Variants in ADGRG7 observed in about 807,000 individuals in gnomAD.
ADGRG7 encodes the protein G-protein coupled receptor 128.
In ADGRG7, 82 loss-of-function variants were observed where a neutral mutation model predicts 88.6. The observed-to-expected ratio is 0.93, with a 90% confidence interval of 0.77 to 1.11. The LOEUF (loss-of-function observed/expected upper bound fraction) is 1.11, where lower values mean the gene tolerates loss of function less well. ADGRG7 is among the 50% of genes most tolerant of loss of function. The pLI is 0.00. For synonymous variants in ADGRG7, 381 were observed against 345.2 expected (o/e 1.10, Z -1.15); for missense variants, 945 against 953.4 (o/e 0.99, Z 0.12).
intron 13 of ADGRG7, among the ~76,000 whole-genome samples, chr3:100,658,867 T>G (rs560231729): frequency 6.6e-6 from 1 of 152,316 alleles, no homozygotes; most frequent in African/African-American, 2.4e-5. Context: ...GGGATTTTTG[T>G]TTTGTCCGCT....
chr3:100,618,564 C>T (rs1326056412), intron 1 of ADGRG7, among the ~76,000 whole-genome samples: 3 of 152,030 alleles, frequency 2.0e-5, no homozygotes, highest in African/African-American at 7.3e-5. Flanking sequence ...CTTTTCTGTT[C>T]CATTGTTCTA....
At chr3:100,633,617 C>T (rs527673997) in intron 4 of ADGRG7, among the ~76,000 whole-genome samples, 2 of 152,076 alleles carry the variant, frequency 1.3e-5, no homozygotes, top group Non-Finnish European at 2.9e-5. Flanking sequence ...CTCTGCCTCC[C>T]AGGTTGAAGC....
At chr3:100,687,495 A>T (rs997624609) in intron 15 of ADGRG7, among the ~76,000 whole-genome samples, 1 of 152,174 alleles carries the variant, frequency 6.6e-6, no homozygotes, top group African/African-American at 2.4e-5. Flanking sequence ...CCCATTCAGT[A>T]TGATATTGGC....
At chr3:100,693,909 C>T (rs565365343) in intron 15 of ADGRG7, among the ~76,000 whole-genome samples, 46 of 152,286 alleles carry the variant, frequency 3.0e-4, no homozygotes, top group African/African-American at 9.2e-4. Context: ...ATACACTTTG[C>T]AGTCACTTTC....
At chr3:100,673,341 A>G (rs978367304) in intron 15 of ADGRG7, among the ~76,000 whole-genome samples, 2 of 151,844 alleles carry the variant, frequency 1.3e-5, no homozygotes, top group Admixed American at 6.6e-5. Flanking sequence ...TCAATTTTCT[A>G]GTTTATTTGC....
intron 3 of ADGRG7, among the ~76,000 whole-genome samples, chr3:100,632,810 G>A (rs905694141): frequency 6.6e-6 from 1 of 152,066 alleles, no homozygotes; most frequent in Admixed American, 6.5e-5. Flanking sequence ...GATAATCCTA[G>A]GAAATAAACC....
At chr3:100,675,099 C>G in intron 15 of ADGRG7, among the ~76,000 whole-genome samples, 1 of 151,968 alleles carries the variant, frequency 6.6e-6, no homozygotes, top group East Asian at 1.9e-4. Flanking sequence ...TTTCTCTTAT[C>G]TAATTGCTCT....
intron 13 of ADGRG7, 102 bp from the exon 14 acceptor site, chr3:100,659,586 G>A: frequency 1.0e-6 from 1 of 978,662 alleles, no homozygotes; most frequent in South Asian, 1.8e-5. Flanking sequence ...TTAACTTTTA[G>A]CAGATCTTTC....
chr3:100,629,783 C>A, intron 2 of ADGRG7, 72 bp downstream of exon 2: 2 of 942,422 alleles, frequency 2.1e-6, no homozygotes, highest in Admixed American at 1.9e-5. Context: ...AGCAATAAAG[C>A]TTCTAGAAGC....
At chr3:100,618,587 G>T (rs1321411042) in intron 1 of ADGRG7, among the ~76,000 whole-genome samples, 2 of 151,976 alleles carry the variant, frequency 1.3e-5, no homozygotes, top group Admixed American at 6.6e-5. Flanking sequence ...TCTCTGTTTT[G>T]GTACCAGTAC....
chr3:100,614,919 T>A (rs1707202831), intron 1 of ADGRG7, among the ~76,000 whole-genome samples: 1 of 152,214 alleles, frequency 6.6e-6, no homozygotes, highest in Non-Finnish European at 1.5e-5. Context: ...AAAATAGGGC[T>A]AATAATTCTA....
intron 1 of ADGRG7, among the ~76,000 whole-genome samples, chr3:100,628,786 C>G (rs1707417554): frequency 6.6e-6 from 1 of 152,172 alleles, no homozygotes; most frequent in South Asian, 2.1e-4. Context: ...CTTCCTGAAC[C>G]TAGTGACACC....
chr3:100,685,966 G>T (rs2094981857), intron 15 of ADGRG7, among the ~76,000 whole-genome samples: 1 of 150,464 alleles, frequency 6.6e-6, no homozygotes, highest in South Asian at 2.1e-4. Flanking sequence ...TTCCACAATG[G>T]TTGAACTAGT....
In ADGRG7 at chr3:100,664,189, G is replaced by T. The variant is rs190077862; in HGVS notation, c.1979+4346G>T. On this transcript the variant is annotated intron_variant, in intron 14 of 15. Transcript: ENST00000273352. ...AAAAAGTATTAATTTCACCAAATCT[G>T]GAATACTGAAGTGTAAAAGTCTTAG... Among the ~76,000 whole-genome samples, 16 of 152,130 alleles carry T rather than the reference G, an allele frequency of 1.1e-4. 1 individual carries two copies. The highest frequency in any genetic ancestry group is 3.6e-4 in the African/African-American group (15 of 41,530).
At chr3:100,657,525 G>A (rs940053385) in intron 13 of ADGRG7, among the ~76,000 whole-genome samples, 6 of 152,158 alleles carry the variant, frequency 3.9e-5, no homozygotes, top group African/African-American at 1.4e-4. Context: ...TGCTATGTAG[G>A]CCATTTCAGA....
At chr3:100,653,928 T>A (rs1199234719) in intron 11 of ADGRG7, among the ~76,000 whole-genome samples, 2 of 152,120 alleles carry the variant, frequency 1.3e-5, no homozygotes, top group African/African-American at 4.8e-5. Flanking sequence ...GTCACGCGAC[T>A]ATGAAAGGTT....
intron 15 of ADGRG7, among the ~76,000 whole-genome samples, chr3:100,686,559 A>G (rs967764903): frequency 1.2e-4 from 18 of 152,230 alleles, no homozygotes; most frequent in Middle Eastern, 3.4e-3. Context: ...TGTATAAGGT[A>G]TAAGGAAGGG....
chr3:100,625,590 A>G (rs1192694003), intron 1 of ADGRG7, among the ~76,000 whole-genome samples: 1 of 150,764 alleles, frequency 6.6e-6, no homozygotes, highest in Non-Finnish European at 1.5e-5. Context: ...GAGAGGGGGC[A>G]TCCTTGCCTT....
intron 6 of ADGRG7, among the ~76,000 whole-genome samples, chr3:100,639,040 G>A (rs867856039): frequency 1.4e-5 from 1 of 73,280 alleles, no homozygotes; most frequent in African/African-American, 4.0e-5. Flanking sequence ...GTGTGTGTGT[G>A]TGTGTGTGTG....
Sources: allele counts gnomAD v4.1 joint callset (sites outside exome capture counted in the v4.1 genomes callset), GRCh38; gene constraint gnomAD v4.1.1; transcripts MANE v1.5; gene names NCBI Gene and HGNC (gene_info 2026-07-23, HGNC 2026-07-21).